The following ADCY7 variants were observed in gnomAD, a reference collection of about 807,000 sequenced individuals.
ADCY7 encodes the protein adenylate cyclase type 7.
A neutral mutation model predicts 120.6 loss-of-function variants in ADCY7; 72 were observed. The observed-to-expected ratio is 0.60, with a 90% CI of 0.49 to 0.73. ADCY7 has a LOEUF of 0.73. Among genes scored for constraint, ADCY7 ranks in the 30% least tolerant of loss-of-function variants. ADCY7 has a pLI of 0.00. For missense variants in ADCY7, 1,227 were observed against 1,486.0 expected (o/e 0.83, Z 2.87); for synonymous variants, 661 against 628.0 (o/e 1.05, Z -0.78).
chr16:50,309,139 C>T (rs759145743), intron 17 of ADCY7: 12 of 324,654 alleles, frequency 3.7e-5, no homozygotes, highest in Non-Finnish European at 6.2e-5. Flanking sequence ...CTCAGTGCTG[C>T]AGAAAGCAGC....
chr16:50,313,881 C>A, intron 22 of ADCY7, 77 bp from the exon 23 acceptor site: 4 of 1,246,576 alleles, frequency 3.2e-6, no homozygotes, highest in Non-Finnish European at 4.6e-6. Context: ...GAACCCCACA[C>A]CCTTCCTGAG....
At chr16:50,300,654 G>C in intron 8 of ADCY7, 61 bp from the exon 9 acceptor site, 2 of 1,536,932 alleles carry the variant, frequency 1.3e-6, no homozygotes. Flanking sequence ...CCCACACCTG[G>C]GAGCTTCAGC....
At chr16:50,272,087 C>G (rs2033612612) in intron 1 of ADCY7, among the ~76,000 whole-genome samples, 1 of 152,190 alleles carries the variant, frequency 6.6e-6, no homozygotes, top group African/African-American at 2.4e-5. Context: ...TGGCCCCAGG[C>G]TCTGCCCATT....
intron 1 of ADCY7, among the ~76,000 whole-genome samples, chr16:50,272,413 C>A (rs931275663): frequency 2.6e-5 from 4 of 152,180 alleles, no homozygotes; most frequent in Non-Finnish European, 4.4e-5. Context: ...CACACTGCCT[C>A]GGGCGCAGCT....
rs202051069 is a variant in ADCY7, at chr16:50,305,874, C to T, written c.1752+25C>T. 160 of 1,610,536 alleles carry T rather than the reference C, an allele frequency of 9.9e-5. 2 individuals are homozygous for T. The African/African-American group carries it at 1.3e-3, about 14-fold the overall frequency. On this transcript the variant is annotated intron_variant, in intron 14 of 25. Coordinates refer to ENST00000673801, the MANE Select transcript of ADCY7 (RefSeq NM_001114.5). Reference sequence around the variant, plus strand: ...GGTGAGGGCCCCCAGCAGCCTCCTCCGCAGAGGGACGGGGTCTCCAGGCCT... The same window carrying T: ...GGTGAGGGCCCCCAGCAGCCTCCTCTGCAGAGGGACGGGGTCTCCAGGCCT...
chr16:50,250,560 G>C (rs1395612005), intron 1 of ADCY7, among the ~76,000 whole-genome samples: 4 of 151,946 alleles, frequency 2.6e-5, no homozygotes, highest in Admixed American at 2.6e-4. Context: ...GGGTGGATCA[G>C]GAGTGTGAGA....
rs754353448 is a variant in ADCY7 at position 50,311,797 on chromosome 16, T to C, written c.2448+11T>C. On this transcript the variant is annotated intron_variant, in intron 20 of 25. Coordinates refer to ENST00000673801, the MANE Select transcript of ADCY7 (RefSeq NM_001114.5). ...ACACTCTCCAGACAGGTAAGGAGGC[T>C]GGCCCCCCCCCCCCCCCCAAGCTCT... is the stretch of plus-strand genomic sequence containing the variant. 3.8e-6 allele frequency: 3 copies of C among 785,592 alleles called. No individual in the cohort carries two copies. The highest frequency in any genetic ancestry group is 4.6e-5 in the East Asian group (1 of 21,960). 48.7% of individuals were successfully genotyped at this position (785,592 alleles called of 1,614,324 possible). A position where few individuals can be genotyped will look rare whatever the true frequency, so the allele number is the denominator to read the frequency against.
At chr16:50,301,394 C>T (rs2035713838) in intron 10 of ADCY7, among the ~76,000 whole-genome samples, 180 bp downstream of exon 10, 1 of 152,206 alleles carries the variant, frequency 6.6e-6, no homozygotes, top group Non-Finnish European at 1.5e-5. Context: ...TAGCCACTCC[C>T]TGGGCCTCCA....
intron 7 of ADCY7, among the ~76,000 whole-genome samples, chr16:50,298,343 C>T (rs987173004): frequency 3.3e-5 from 5 of 152,140 alleles, no homozygotes; most frequent in Non-Finnish European, 7.3e-5. Context: ...ACTGGCATGG[C>T]CGGCTCTCTC....
intron 2 of ADCY7, chr16:50,289,103 T>G (rs1486499832): frequency 4.6e-6 from 1 of 219,756 alleles, no homozygotes; most frequent in Non-Finnish European, 9.4e-6. Context: ...TGTGTATCAC[T>G]GCCCTCACTT....
chr16:50,310,527 G>A (rs975763234), intron 18 of ADCY7, 160 bp from the exon 19 acceptor site: 2 of 1,542,114 alleles, frequency 1.3e-6, no homozygotes, highest in Non-Finnish European at 1.7e-6. Flanking sequence ...AAACAACACT[G>A]GACACTCTTA....
At chr16:50,269,421 T>C (rs964974614) in intron 1 of ADCY7, among the ~76,000 whole-genome samples, 2 of 152,174 alleles carry the variant, frequency 1.3e-5, no homozygotes, top group African/African-American at 2.4e-5. Context: ...AGATGAGGAA[T>C]TGGGCTCCTG....
At chr16:50,284,011 T>C (rs1361154189) in intron 1 of ADCY7, among the ~76,000 whole-genome samples, 2 of 152,082 alleles carry the variant, frequency 1.3e-5, no homozygotes, top group Non-Finnish European at 2.9e-5. Flanking sequence ...TCCAGGGCCT[T>C]GTGGGGAGGC....
chr16:50,309,765 T>C, intron 18 of ADCY7, 119 bp downstream of exon 18: 1 of 885,364 alleles, frequency 1.1e-6, no homozygotes, highest in Non-Finnish European at 1.7e-6. Context: ...ATGTGGAGGC[T>C]GAGAACAGCC....
intron 4 of ADCY7, 44 bp from the exon 5 acceptor site, chr16:50,292,632 A>G (rs376889300): frequency 3.1e-6 from 5 of 1,604,124 alleles, no homozygotes; most frequent in East Asian, 2.2e-5. Flanking sequence ...TCGGGAGGGC[A>G]TGGGCCAGGC....
chr16:50,310,722 C>T lies in ADCY7; in HGVS notation c.2196C>T (p.Ala732=), dbSNP rs753920031. 1 of 1,614,136 alleles carries T rather than the reference C, an allele frequency of 6.2e-7. No homozygotes were observed. The highest frequency in any genetic ancestry group is 8.5e-7 in the Non-Finnish European group (1 of 1,180,006). ...GCAGCTGTGTCCTGGGCTTCATCGC[C>T]TGCTCGGTCTTCCTGAGGATGAGCC... ...YTCSCVLGFI[A]CSVFLRMSLE... The change falls in exon 19 of 26, where the codon GCC becomes GCT. Residue 732 remains alanine (A), a synonymous_variant. Coordinates refer to ENST00000673801, the MANE Select transcript of ADCY7 (RefSeq NM_001114.5).
chr16:50,293,684 G>A (rs931696227), intron 6 of ADCY7, among the ~76,000 whole-genome samples, 182 bp downstream of exon 6: 1 of 152,198 alleles, frequency 6.6e-6, no homozygotes, highest in Non-Finnish European at 1.5e-5. Context: ...CCCCACTTGT[G>A]GGCAGGATCA....
rs79548627 is a variant in ADCY7 at position 50,314,541 on chromosome 16, T to C, written c.2971+135T>C. The C allele has an allele frequency of 5.3e-3, 3,415 of 639,426 alleles. 75 individuals carry two copies. The African/African-American group carries it at 0.054, about 10-fold the overall frequency. 39.6% of individuals were successfully genotyped at this position (639,426 alleles called of 1,614,324 possible). On this transcript the variant is annotated intron_variant, in intron 24 of 25. Transcript: ENST00000673801. ...CCCTCTGATCTGACAAGCTCAGCAG[T>C]TGGACAATTATTCTGATGTTTTGCA... is the stretch of plus-strand genomic sequence containing the variant.
Position 50,298,908 on chromosome 16 carries a change from A to G in ADCY7, c.953A>G (p.Asn318Ser). The G allele has an allele frequency of 1.9e-6, 3 of 1,613,438 alleles. No individual in the cohort carries two copies. Among genetic ancestry groups the G allele is most frequent in the Admixed American group, 1.7e-5 (1 of 59,978 alleles). ...GGCCCTTCCCTCACCCTGCAGGCCA[A>G]CGAGTGCATGCGAATCAAGATCCTC... is the stretch of plus-strand genomic sequence containing the variant. ...FGKFDQIAKA[N>S]ECMRIKILGD... The change falls in exon 8 of 26, where the codon AAC becomes AGC. Residue 318 changes from asparagine (N) to serine (S), a missense_variant. By Grantham distance (46) the Asn-to-Ser change is conservative. This residue lies in a region of ADCY7 where 332 missense variants were observed against 455.8 expected (regional missense o/e 0.73). Transcript: ENST00000673801.
Sources: gnomAD v4.1 joint callset for allele counts (sites outside exome capture counted in the v4.1 genomes callset) on GRCh38, gnomAD v4.1.1 for gene constraint, gnomAD v4.1.1 regional missense constraint, MANE v1.5 for transcripts, NCBI Gene and HGNC (gene_info 2026-07-23, HGNC 2026-07-21) for gene names.